The following COX10 variants were observed in gnomAD, a reference collection of about 807,000 sequenced individuals.
COX10 encodes the protein cytochrome c oxidase assembly factor heme A:farnesyltransferase COX10, also known as protoheme IX farnesyltransferase, mitochondrial.
A neutral mutation model predicts 37.3 loss-of-function variants in COX10; 27 were observed. The observed-to-expected ratio is 0.72, with a 90% CI of 0.53 to 1.00. The LOEUF is 1.00. Ranked by LOEUF, COX10 falls within the 50% of genes least tolerant of loss-of-function variation. The pLI is 0.00. For synonymous variants in COX10, 222 were observed against 229.1 expected (o/e 0.97, Z 0.28); for missense variants, 475 against 563.2 (o/e 0.84, Z 1.59).
At chr17:14,180,064 A>T (rs1202246323) in intron 5 of COX10, among the ~76,000 whole-genome samples, 1 of 152,158 alleles carries the variant, frequency 6.6e-6, no homozygotes, top group Non-Finnish European at 1.5e-5. Flanking sequence ...AAATTTACTG[A>T]GGGTTTTACC....
chr17:14,180,164 G>A (rs1177204630), intron 5 of COX10, among the ~76,000 whole-genome samples: 1 of 151,490 alleles, frequency 6.6e-6, no homozygotes, highest in African/African-American at 2.4e-5. Flanking sequence ...TCTAGCAGAC[G>A]GGTACCCAGC....
intron 4 of COX10, among the ~76,000 whole-genome samples, chr17:14,145,158 G>A (rs1159568376): frequency 1.8e-5 from 2 of 112,752 alleles, no homozygotes; most frequent in Admixed American, 2.7e-4. Flanking sequence ...GCTGTGCCCT[G>A]TATTATAGGT....
intron 4 of COX10, among the ~76,000 whole-genome samples, chr17:14,134,579 G>C (rs1916536783): frequency 6.6e-6 from 1 of 151,720 alleles, no homozygotes; most frequent in Non-Finnish European, 1.5e-5. Flanking sequence ...TCCAAAAAGG[G>C]ACAGCAAGCA....
chr17:14,200,832 C>T (rs1044044217), intron 6 of COX10, among the ~76,000 whole-genome samples: 4 of 152,174 alleles, frequency 2.6e-5, no homozygotes, highest in African/African-American at 4.8e-5. Context: ...GTCGAAAACA[C>T]GTGGTTTGTT....
chr17:14,100,982 C>T (rs1397730430), intron 3 of COX10, among the ~76,000 whole-genome samples: 1 of 152,106 alleles, frequency 6.6e-6, no homozygotes, highest in Non-Finnish European at 1.5e-5. Context: ...ACAAGTAGCA[C>T]CCTCCCCTGC....
intron 1 of COX10, 151 bp downstream of exon 1, chr17:14,069,799 C>T: frequency 1.1e-6 from 1 of 923,364 alleles, no homozygotes; most frequent in Non-Finnish European, 1.7e-6. Flanking sequence ...TCTGGAGTAG[C>T]TTGGAGTGAA....
intron 4 of COX10, among the ~76,000 whole-genome samples, chr17:14,154,556 TCAG>T (rs1904991852): frequency 6.6e-6 from 1 of 152,208 alleles, no homozygotes. Flanking sequence ...AACATTTAAG[TCAG>T]AAGTTTAGGC....
intron 5 of COX10, among the ~76,000 whole-genome samples, chr17:14,175,070 T>C (rs1905616997): frequency 4.9e-5 from 1 of 20,208 alleles, no homozygotes; most frequent in Non-Finnish European, 1.1e-4. Context: ...GATCAGTGGT[T>C]ACTGGGAAAT....
intron 5 of COX10, among the ~76,000 whole-genome samples, chr17:14,162,047 T>C (rs1441747053): frequency 6.6e-6 from 1 of 152,198 alleles, no homozygotes; most frequent in East Asian, 1.9e-4. Context: ...ATCTGTGATA[T>C]TGTTCCCTCT....
intron 3 of COX10, among the ~76,000 whole-genome samples, chr17:14,098,324 G>A (rs1009211466): frequency 1.3e-5 from 2 of 152,064 alleles, no homozygotes. Flanking sequence ...GATACTATCA[G>A]CCTTTCTTCT....
At chr17:14,082,882 G>A (rs1915327472) in intron 3 of COX10, among the ~76,000 whole-genome samples, 1 of 152,206 alleles carries the variant, frequency 6.6e-6, no homozygotes, top group Non-Finnish European at 1.5e-5. Context: ...GACACCAGAT[G>A]ATTCTGATGC....
chr17:14,167,341 A>C (rs1426394575), intron 5 of COX10, among the ~76,000 whole-genome samples: 1 of 152,248 alleles, frequency 6.6e-6, no homozygotes, highest in African/African-American at 2.4e-5. Flanking sequence ...AACATTGTTG[A>C]AATGAAAACA....
At chr17:14,090,051 C>T (rs150293063) in intron 3 of COX10, among the ~76,000 whole-genome samples, 326 of 151,982 alleles carry the variant, frequency 2.1e-3, no homozygotes, top group Middle Eastern at 0.01. Context: ...CCTGTTCTCC[C>T]GCTTGTCCCC....
intron 6 of COX10, among the ~76,000 whole-genome samples, chr17:14,197,711 C>T (rs1906407313): frequency 6.7e-6 from 1 of 149,376 alleles, no homozygotes; most frequent in Non-Finnish European, 1.5e-5. Context: ...CTTTTCTCCC[C>T]GTCACAGTGC....
intron 4 of COX10, among the ~76,000 whole-genome samples, chr17:14,113,787 C>A (rs566461225): frequency 2.6e-5 from 4 of 152,256 alleles, no homozygotes; most frequent in African/African-American, 9.6e-5. Flanking sequence ...ACAATTATTT[C>A]TCTACTGATG....
At chr17:14,071,895 A>T (rs1221517097) in intron 1 of COX10, among the ~76,000 whole-genome samples, 4 of 151,946 alleles carry the variant, frequency 2.6e-5, no homozygotes. Context: ...GTGAGACTCC[A>T]TCTCAAAAAA....
chr17:14,076,189 C>G (rs1915146694), intron 2 of COX10, among the ~76,000 whole-genome samples: 1 of 141,436 alleles, frequency 7.1e-6, no homozygotes. Flanking sequence ...AATCACAGCT[C>G]AATCTCCTAG....
chr17:14,094,525 G>A (rs1459326831), intron 3 of COX10, among the ~76,000 whole-genome samples: 1 of 151,624 alleles, frequency 6.6e-6, no homozygotes, highest in Non-Finnish European at 1.5e-5. Flanking sequence ...AAAGCATTTT[G>A]GCACACTGAA....
intron 4 of COX10, among the ~76,000 whole-genome samples, chr17:14,119,239 A>G (rs1916178107): frequency 6.6e-6 from 1 of 152,188 alleles, no homozygotes; most frequent in Non-Finnish European, 1.5e-5. Flanking sequence ...TGACAGGCGT[A>G]TATCTCCTAC....
Sources: allele counts gnomAD v4.1 joint callset (sites outside exome capture counted in the v4.1 genomes callset), GRCh38; gene constraint gnomAD v4.1.1; transcripts MANE v1.5; gene names NCBI Gene and HGNC (gene_info 2026-07-23, HGNC 2026-07-21).